The following SMG5 variants were observed in gnomAD, a reference collection of about 807,000 sequenced individuals.
SMG5 encodes nonsense-mediated mRNA decay factor SMG5.
In SMG5, 53 loss-of-function variants were observed where a neutral mutation model predicts 122.9. That is an observed-to-expected ratio of 0.43 (90% CI 0.35 to 0.54). The LOEUF is 0.54. SMG5 is among the 20% of genes least tolerant of loss of function. The pLI, the probability that SMG5 is intolerant of heterozygous loss-of-function variation, is 0.01. For synonymous variants in SMG5, 477 were observed against 490.2 expected (o/e 0.97, Z 0.35); for missense variants, 1,153 against 1,285.6 (o/e 0.90, Z 1.58).
chr1:156,251,859 C>G (rs1661371465), intron 19 of SMG5, among the ~76,000 whole-genome samples: 1 of 152,204 alleles, frequency 6.6e-6, no homozygotes, highest in Non-Finnish European at 1.5e-5. Flanking sequence ...TCCTTATTCC[C>G]TACACCCTCT....
At chr1:156,285,844 C>G (rs36114587), upstream of SMG5, 6,884 of 1,613,668 alleles carry the variant, frequency 4.3e-3, 265 homozygotes, top group African/African-American at 0.082. Flanking sequence ...CCGTGGGAGC[C>G]GCACTCATTC....
chr1:156,262,430 C>T (rs1040827173), intron 13 of SMG5, among the ~76,000 whole-genome samples: 7 of 139,620 alleles, frequency 5.0e-5, no homozygotes, highest in Non-Finnish European at 9.1e-5. Context: ...GAGCCGAAAT[C>T]GTGCCACTGC....
At position 156,249,307 on chromosome 1, in the gene SMG5, G is replaced by A. The variant is rs1455309316; in HGVS notation, c.*1280C>T. ...AGTGGGGTGACTCCACTCACCCCAG[G>A]ATTTCCCAGACTTGCTATTTTAGAG... On this transcript the variant is annotated 3_prime_UTR_variant, in exon 22 of 22. Coordinates refer to ENST00000361813, the MANE Select transcript of SMG5 (RefSeq NM_015327.3). The A allele has an allele frequency of 1.0e-5, 2 of 200,958 alleles. No individual in the cohort carries two copies. Among genetic ancestry groups the A allele is most frequent in the Admixed American group, 1.1e-4 (2 of 18,898 alleles). 12.4% of individuals were successfully genotyped at this position (200,958 alleles called of 1,614,324 possible). A position where few individuals can be genotyped will look rare whatever the true frequency, so the allele number is the denominator to read the frequency against.
chr1:156,258,284 CAT>C (rs2103213955), intron 16 of SMG5, among the ~76,000 whole-genome samples: 1 of 152,356 alleles, frequency 6.6e-6, no homozygotes, highest in South Asian at 2.1e-4. Flanking sequence ...TAGGCACACA[CAT>C]GTGCCATAAG....
At chr1:156,268,838 G>A (rs145239918) in intron 7 of SMG5, among the ~76,000 whole-genome samples, 220 of 152,262 alleles carry the variant, frequency 1.4e-3, no homozygotes, top group African/African-American at 5.1e-3. Flanking sequence ...CATGTACTGA[G>A]CACCCACTGT....
At position 156,277,200 on chromosome 1, in the gene SMG5, C is replaced by T. The variant is rs149057742; in HGVS notation, c.339G>A (p.Thr113=). The change falls in exon 4 of 22, where the codon ACG becomes ACA. Residue 113 remains threonine, a synonymous_variant. Transcript: ENST00000361813. ...SRSTLECAYR[T]HLVAGIGFYQ... is the part of the protein sequence containing the mutation. ...AGAAGCCAATACCAGCAACCAGGTG[C>T]GTCCTGTAGGCACATTCCAAAGTGC... 46 of 1,613,716 alleles carry T rather than the reference C, an allele frequency of 2.9e-5. No homozygotes were observed. Among genetic ancestry groups the T allele is most frequent in the African/African-American group, 4.0e-5 (3 of 74,894 alleles).
rs1661238796 is a variant in SMG5, at chr1:156,249,793, A to C, written c.*794T>G. ...GCATCCCATTCTGTCCCAGCACAGC[A>C]GCCAAGAGCACAAAGCACAGCACCT... On this transcript the variant is annotated 3_prime_UTR_variant, in exon 22 of 22. Transcript: ENST00000361813. 2 of 471,214 alleles carry C rather than the reference A, an allele frequency of 4.2e-6. No homozygotes were observed. The highest frequency in any genetic ancestry group is 8.8e-6 in the Non-Finnish European group (2 of 227,070). 29.2% of individuals were successfully genotyped at this position (471,214 alleles called of 1,614,324 possible).
chr1:156,268,411 G>A lies in SMG5; in HGVS notation c.718C>T (p.Gln240Ter). 1 of 1,613,822 alleles carries A rather than the reference G, an allele frequency of 6.2e-7. No homozygotes were observed. Among genetic ancestry groups the A allele is most frequent in the Non-Finnish European group, 8.5e-7 (1 of 1,179,978 alleles). Residue 240 changes from glutamine (Q) to a stop codon, truncating the protein, a stop_gained, in exon 8 of 22, where the codon CAG becomes TAG. Transcript: ENST00000361813. LOFTEE classifies it high-confidence loss of function. The part of the protein sequence containing the change: ...EAMYCYLRCI[Q>*]SEVSFEGAYG... ...GCTCCCTCAAAGGACACTTCTGACT[G>A]GATGCTGTAAGAGATAGAGGTGAGC...
chr1:156,252,147 T>C (rs1572570620), intron 19 of SMG5, among the ~76,000 whole-genome samples: 1 of 152,232 alleles, frequency 6.6e-6, no homozygotes, highest in African/African-American at 2.4e-5. Flanking sequence ...CAGTGGGTGC[T>C]GATCACAGGC....
Position 156,265,922 on chromosome 1 carries a change from T to G in SMG5, c.1714A>C (p.Thr572Pro), listed in dbSNP as rs1463334679. ...SIASNLQAMS[T>P]QMFQTKRCFR... ...CAGCGCTTAGTCTGGAACATCTGGGTGGACATGGCTTGTAGATTGCTGGCA... is the reference window on the plus strand; with the variant it reads ...CAGCGCTTAGTCTGGAACATCTGGGGGGACATGGCTTGTAGATTGCTGGCA... The change falls in exon 12 of 22, where the codon ACC becomes CCC. Residue 572 changes from threonine to proline, a missense_variant. Around this residue, in one of 5 missense-constraint regions of SMG5, gnomAD observed 631 missense variants for 650.6 expected, o/e 0.97. Coordinates refer to ENST00000361813, the MANE Select transcript of SMG5 (RefSeq NM_015327.3). The G allele has an allele frequency of 6.2e-7, 1 of 1,614,162 alleles. No homozygotes were observed. Among genetic ancestry groups the G allele is most frequent in the Admixed American group, 1.7e-5 (1 of 60,024 alleles).
intron 15 of SMG5, among the ~76,000 whole-genome samples, chr1:156,259,560 C>T (rs1661724008): frequency 6.6e-6 from 1 of 152,116 alleles, no homozygotes; most frequent in Admixed American, 6.5e-5. Context: ...GACAGAATCT[C>T]GCTTTGTTAC....
chr1:156,260,832 A>C (rs1240519877), intron 14 of SMG5, among the ~76,000 whole-genome samples: 1 of 152,174 alleles, frequency 6.6e-6, no homozygotes, highest in Non-Finnish European at 1.5e-5. Context: ...CTCAGGAAGA[A>C]CAAGGATGGC....
intron 1 of SMG5, among the ~76,000 whole-genome samples, chr1:156,282,298 A>C (rs1489576554): frequency 6.6e-6 from 1 of 151,554 alleles, no homozygotes; most frequent in African/African-American, 2.4e-5. Context: ...ACCTTCACCT[A>C]CCCAACCCTT....
Position 156,250,307 on chromosome 1 carries a change from G to C in SMG5, c.*280C>G, listed in dbSNP as rs1661287177. The C allele has an allele frequency of 2.1e-6, 1 of 467,298 alleles. No individual in the cohort carries two copies. Among genetic ancestry groups the C allele is most frequent in the Non-Finnish European group, 3.9e-6 (1 of 255,842 alleles). 28.9% of individuals were successfully genotyped at this position (467,298 alleles called of 1,614,324 possible). Reference sequence around the variant, plus strand: ...TACCCATGCCTACCACCTGCCCCTGGAGACAGCAGGGGAGCTGAGGCAGGA... The same window carrying C: ...TACCCATGCCTACCACCTGCCCCTGCAGACAGCAGGGGAGCTGAGGCAGGA... On this transcript the variant is annotated 3_prime_UTR_variant, in exon 22 of 22. Coordinates refer to ENST00000361813, the MANE Select transcript of SMG5 (RefSeq NM_015327.3).
chr1:156,251,369 C>T (rs767805647), intron 20 of SMG5, 34 bp downstream of exon 20: 19 of 1,611,698 alleles, frequency 1.2e-5, no homozygotes, highest in Middle Eastern at 1.6e-4. Context: ...AGGCAGGTGG[C>T]CTGAGGTTCT....
chr1:156,281,784 T>C (rs546338186), intron 1 of SMG5, among the ~76,000 whole-genome samples: 2 of 152,352 alleles, frequency 1.3e-5, no homozygotes, highest in African/African-American at 2.4e-5. Context: ...CATGTTCCAG[T>C]TGACCTACCC....
upstream of SMG5, among the ~76,000 whole-genome samples, chr1:156,287,138 C>T (rs534604016): frequency 1.0e-4 from 15 of 150,588 alleles, no homozygotes; most frequent in South Asian, 1.3e-3. Context: ...AATAAATAGC[C>T]GGGTGTAGTG....
At position 156,252,560 on chromosome 1, in the gene SMG5, G is replaced by A. The variant is rs1358137955; in HGVS notation, c.2663-56C>T. ...GATAAGCTCAGACTGCTGTGACAAG[G>A]GGCTCTGGAGGAAGTATCTGAGCTC... On this transcript the variant is annotated intron_variant, in intron 18 of 21. Transcript: ENST00000361813. 10 of 1,562,440 alleles carry A rather than the reference G, an allele frequency of 6.4e-6. No individual in the cohort carries two copies. In the East Asian group the frequency reaches 2.2e-4, roughly 35 times the overall value.
intron 9 of SMG5, 52 bp from the exon 10 acceptor site, chr1:156,267,730 G>A: frequency 6.9e-7 from 1 of 1,459,428 alleles, no homozygotes; most frequent in Non-Finnish European, 9.4e-7. Flanking sequence ...GCTGGGGAAG[G>A]AGAAGAGCAG....
Sources: allele counts gnomAD v4.1 joint callset (sites outside exome capture counted in the v4.1 genomes callset), GRCh38; gene constraint gnomAD v4.1.1; regional missense constraint gnomAD v4.1.1; transcripts MANE v1.5; gene names NCBI Gene and HGNC (gene_info 2026-07-23, HGNC 2026-07-21).